The following PLPPR1 variants were observed in gnomAD, a reference collection of about 807,000 sequenced individuals.
The protein encoded by PLPPR1 is phospholipid phosphatase related 1.
Under a neutral mutation model 33.1 loss-of-function variants are expected in PLPPR1, and 10 were observed. That is an observed-to-expected ratio of 0.30 (90% CI 0.19 to 0.51). The LOEUF (loss-of-function observed/expected upper bound fraction) is 0.51, where lower values mean the gene tolerates loss of function less well. Among genes scored for constraint, PLPPR1 ranks in the 20% least tolerant of loss-of-function variants. The pLI, the probability that PLPPR1 is intolerant of heterozygous loss-of-function variation, is 0.97. For synonymous variants in PLPPR1, 151 were observed against 151.0 expected, an observed-to-expected ratio of 1.00 and a Z score of 0.00; for missense variants, 304 against 408.1, an observed-to-expected ratio of 0.74 and a Z score of 2.20.
intron 4 of PLPPR1, among the ~76,000 whole-genome samples, chr9:101,293,081 A>C (rs1828548885): frequency 6.6e-6 from 1 of 152,236 alleles, no homozygotes; most frequent in African/African-American, 2.4e-5. Flanking sequence ...AGACACACAT[A>C]GGCTCAAAAT....
chr9:101,291,954 G>A (rs1285616822), intron 4 of PLPPR1, among the ~76,000 whole-genome samples: 4 of 152,214 alleles, frequency 2.6e-5, no homozygotes, highest in Non-Finnish European at 4.4e-5. Flanking sequence ...TGACTTTGAC[G>A]AGTTGAGAGA....
chr9:101,036,845 C>T (rs1298558699), intron 1 of PLPPR1, among the ~76,000 whole-genome samples: 2 of 152,090 alleles, frequency 1.3e-5, no homozygotes, highest in Non-Finnish European at 2.9e-5. Flanking sequence ...TTAACCTCTA[C>T]AACACACTGG....
intron 2 of PLPPR1, among the ~76,000 whole-genome samples, chr9:101,199,667 T>A (rs1382784054): frequency 6.6e-6 from 1 of 152,212 alleles, no homozygotes; most frequent in Non-Finnish European, 1.5e-5. Flanking sequence ...CAGCTTATAT[T>A]TGAGGACTGA....
chr9:101,051,266 ACT>A (rs752248756), intron 1 of PLPPR1, among the ~76,000 whole-genome samples: 1 of 151,406 alleles, frequency 6.6e-6, no homozygotes, highest in Admixed American at 6.6e-5. Flanking sequence ...TACTACTACT[ACT>A]ACTACTTCTA....
At chr9:101,309,105 T>G (rs1339208025) in intron 4 of PLPPR1, 106 bp from the exon 5 acceptor site, 1 of 1,158,114 alleles carries the variant, frequency 8.6e-7, no homozygotes, top group Non-Finnish European at 1.3e-6. Flanking sequence ...GTACTTAGAA[T>G]CATTTTGATA....
chr9:101,035,326 A>G (rs1829997025), intron 1 of PLPPR1, among the ~76,000 whole-genome samples: 1 of 151,996 alleles, frequency 6.6e-6, no homozygotes, highest in Non-Finnish European at 1.5e-5. Context: ...TTGACTCATA[A>G]CTCTGTGTCT....
rs77855260 is a variant in PLPPR1, at chr9:101,176,319, G to A, written c.-45-9131G>A. On this transcript the variant is annotated intron_variant, in intron 1 of 7. Coordinates refer to ENST00000374874, the MANE Select transcript of PLPPR1 (RefSeq NM_207299.2). ...GCTGGGTTCAGGACAGAGGCCAAGT[G>A]GGGAGCCAGGACTTTATTTCTTGAT... Among the ~76,000 whole-genome samples, 88 of 152,266 alleles carry A rather than the reference G, an allele frequency of 5.8e-4. 1 individual carries two copies. Among genetic ancestry groups the A allele is most frequent in the African/African-American group, 2.0e-3 (84 of 41,548 alleles).
chr9:101,178,320 A>G (rs1320594260), intron 1 of PLPPR1, among the ~76,000 whole-genome samples: 1 of 152,196 alleles, frequency 6.6e-6, no homozygotes, highest in Non-Finnish European at 1.5e-5. Flanking sequence ...TGCCAGCAGC[A>G]GAGACCAACA....
chr9:101,297,970 C>A (rs1183573813), intron 4 of PLPPR1, among the ~76,000 whole-genome samples: 1 of 152,078 alleles, frequency 6.6e-6, no homozygotes, highest in Non-Finnish European at 1.5e-5. Flanking sequence ...CAGTTCTGCT[C>A]ACAAATATAC....
At chr9:101,072,881 C>T (rs969958891) in intron 1 of PLPPR1, among the ~76,000 whole-genome samples, 3 of 152,092 alleles carry the variant, frequency 2.0e-5, no homozygotes, top group African/African-American at 7.2e-5. Flanking sequence ...TTTTTATTCT[C>T]GCATGTTGTA....
intron 2 of PLPPR1, among the ~76,000 whole-genome samples, chr9:101,222,311 G>A (rs1226045180): frequency 6.6e-6 from 1 of 152,200 alleles, no homozygotes; most frequent in Non-Finnish European, 1.5e-5. Context: ...GGCAGATTCT[G>A]CAGTCTACCA....
intron 1 of PLPPR1, among the ~76,000 whole-genome samples, chr9:101,164,464 G>A (rs983002648): frequency 1.3e-5 from 2 of 151,838 alleles, no homozygotes; most frequent in Non-Finnish European, 2.9e-5. Context: ...CCAGGTTCGG[G>A]TGATTCTTGT....
chr9:101,323,469 C>CAAAAAAAA (rs11339430), intron 7 of PLPPR1, among the ~76,000 whole-genome samples: 3,020 of 93,426 alleles, frequency 0.032, 48 homozygotes, highest in South Asian at 0.07. Context: ...AACCCTGTCT[C>CAAAAAAAA]AAAAAAAAAA....
chr9:101,056,367 T>A (rs1830278237), intron 1 of PLPPR1, among the ~76,000 whole-genome samples: 1 of 152,200 alleles, frequency 6.6e-6, no homozygotes, highest in African/African-American at 2.4e-5. Context: ...GTCTTTCCAA[T>A]TTAAAGCTTG....
chr9:101,238,399 TTG>T (rs1250791816), intron 2 of PLPPR1, among the ~76,000 whole-genome samples: 2 of 143,850 alleles, frequency 1.4e-5, no homozygotes, highest in Admixed American at 7.0e-5. Flanking sequence ...TATGATGGAA[TTG>T]TGTGTGTGTG....
rs146835637 is a variant in PLPPR1 at position 101,090,673 on chromosome 9, G to A, written c.-46+61571G>A. On this transcript the variant is annotated intron_variant, in intron 1 of 7. Transcript: ENST00000374874. ...GCGGAGTTTGCAGTGAGCCGAGATC[G>A]TGCCACTGCTCTCCAGCCTGGACGA... 7.0e-3 allele frequency among the ~76,000 whole-genome samples: 1,058 copies of A among 152,130 alleles called. 13 individuals are homozygous for A. The highest frequency in any genetic ancestry group is 0.024 in the African/African-American group (1,013 of 41,516).
At chr9:101,048,491 A>G (rs1445819348) in intron 1 of PLPPR1, among the ~76,000 whole-genome samples, 1 of 152,238 alleles carries the variant, frequency 6.6e-6, no homozygotes, top group Non-Finnish European at 1.5e-5. Flanking sequence ...AAGATATCAG[A>G]GAAGAATACA....
chr9:101,246,057 TATATATATATA>T (rs1318811234), intron 2 of PLPPR1, among the ~76,000 whole-genome samples: 1 of 3,688 alleles, frequency 2.7e-4, no homozygotes, highest in African/African-American at 5.3e-4. Context: ...TGAATATGAA[TATATATATATA>T]TATATATATA....
At chr9:101,168,082 C>T (rs1825886638) in intron 1 of PLPPR1, among the ~76,000 whole-genome samples, 1 of 152,098 alleles carries the variant, frequency 6.6e-6, no homozygotes, top group Admixed American at 6.6e-5. Context: ...CAATTACGTC[C>T]CACCAGATCC....
Sources: gnomAD v4.1 joint callset for allele counts (sites outside exome capture counted in the v4.1 genomes callset) on GRCh38, gnomAD v4.1.1 for gene constraint, MANE v1.5 for transcripts, NCBI Gene and HGNC (gene_info 2026-07-23, HGNC 2026-07-21) for gene names.